Variants in SYNRG observed in about 807,000 individuals in gnomAD.
The protein encoded by SYNRG is synergin gamma.
In SYNRG, 37 loss-of-function variants were observed where a neutral mutation model predicts 130.9. That is an observed-to-expected ratio of 0.28 (90% confidence interval 0.22 to 0.37). SYNRG has a LOEUF of 0.37. Among genes scored for constraint, SYNRG ranks in the 10% least tolerant of loss-of-function variants. The pLI is 1.00. For synonymous variants in SYNRG, 539 were observed against 568.1 expected, an observed-to-expected ratio of 0.95 and a Z score of 0.73; for missense variants, 1,338 against 1,588.9, an observed-to-expected ratio of 0.84 and a Z score of 2.68.
rs750756484 is a variant in SYNRG, at chr17:37,553,562, G to T, written c.2161C>A (p.Pro721Thr). The change falls in exon 14 of 22, where the codon CCT becomes ACT. Residue 721 changes from proline (P) to threonine (T), a missense_variant. By Grantham distance (38) the Pro-to-Thr change is conservative. Around this residue, in one of 3 missense-constraint regions of SYNRG, gnomAD observed 1,146 missense variants for 1,342.3 expected, o/e 0.85. Coordinates refer to ENST00000612223, the MANE Select transcript of SYNRG (RefSeq NM_007247.6). The stretch of plus-strand genomic sequence containing the variant: ...CCCACGTTGCTGGTTAGAGGAACAG[G>T]ACTGGCTTCCTCTTTAAGGGCATCA... ...KYDALKEEAS[P>T]VPLTSNVGST... The T allele has an allele frequency of 9.3e-6, 15 of 1,614,190 alleles. No homozygotes were observed. Among genetic ancestry groups the T allele is most frequent in the Non-Finnish European group, 1.3e-5 (15 of 1,180,036 alleles).
Position 37,570,729 on chromosome 17 carries a change from G to C in SYNRG, c.1255C>G (p.Gln419Glu), listed in dbSNP as rs763455536. ...ACAAGGTTAATGCCCATGACTGGCT[G>C]TCCAAGGCTGAGGGGCATGGAGCCC... ...PAGSMPLSLGQPVMGINLVGP... is the reference protein window; with the variant it reads ...PAGSMPLSLGEPVMGINLVGP... Residue 419 changes from glutamine (Q) to glutamate (E), a missense_variant, in exon 10 of 22, where the codon CAG (glutamine) becomes GAG (glutamate). Transcript: ENST00000612223. 1 of 1,614,216 alleles carries C rather than the reference G, an allele frequency of 6.2e-7. No homozygotes were observed. Among genetic ancestry groups the C allele is most frequent in the South Asian group, 1.1e-5 (1 of 91,092 alleles).
intron 19 of SYNRG, 150 bp from the exon 20 acceptor site, chr17:37,520,798 G>A (rs2054921621): frequency 1.3e-5 from 9 of 668,038 alleles, no homozygotes; most frequent in Admixed American, 7.0e-5. Context: ...CACATCCACT[G>A]GGAACCTGCC....
At chr17:37,553,008 A>G (rs984536194) in intron 14 of SYNRG, 107 bp downstream of exon 14, 1 of 1,001,848 alleles carries the variant, frequency 1.0e-6, no homozygotes, top group South Asian at 1.6e-5. Flanking sequence ...ATTATTAGAG[A>G]TTCATAAAGC....
intron 19 of SYNRG, among the ~76,000 whole-genome samples, chr17:37,525,380 T>A (rs2055711829): frequency 6.6e-6 from 1 of 152,208 alleles, no homozygotes; most frequent in African/African-American, 2.4e-5. Flanking sequence ...TACAATGGTG[T>A]CCAGGAAGAT....
chr17:37,581,498 G>A (rs2061334784), intron 6 of SYNRG, among the ~76,000 whole-genome samples: 1 of 152,040 alleles, frequency 6.6e-6, no homozygotes, highest in African/African-American at 2.4e-5. Context: ...GGCTGGTCTC[G>A]AACTCCTGAC....
intron 11 of SYNRG, among the ~76,000 whole-genome samples, chr17:37,566,336 C>G (rs1477456301): frequency 1.4e-5 from 2 of 146,666 alleles, no homozygotes; most frequent in Non-Finnish European, 3.0e-5. Context: ...TGACCTTACC[C>G]CCAACCCTGT....
chr17:37,540,183 T>C (rs1167918429), intron 16 of SYNRG, among the ~76,000 whole-genome samples, 197 bp downstream of exon 16: 1 of 152,238 alleles, frequency 6.6e-6, no homozygotes, highest in African/African-American at 2.4e-5. Flanking sequence ...TTAGTTTCAG[T>C]GGGTGCCACA....
intron 1 of SYNRG, 118 bp from the exon 2 acceptor site, chr17:37,600,521 C>T: frequency 1.0e-6 from 1 of 973,462 alleles, no homozygotes; most frequent in Admixed American, 2.0e-5. Context: ...TGTTCTGCAC[C>T]ACAATACTGA....
chr17:37,535,946 G>T, intron 19 of SYNRG, 33 bp downstream of exon 19: 5 of 1,611,570 alleles, frequency 3.1e-6, no homozygotes, highest in Non-Finnish European at 4.2e-6. Flanking sequence ...TTCTGGAAAG[G>T]AAAGCAACTG....
chr17:37,549,535 A>C (rs2145213312), intron 14 of SYNRG, among the ~76,000 whole-genome samples: 1 of 152,254 alleles, frequency 6.6e-6, no homozygotes, highest in South Asian at 2.1e-4. Flanking sequence ...GGGTTGCTTC[A>C]TCATACAGAA....
chr17:37,594,277 A>G (rs371468254), intron 3 of SYNRG, among the ~76,000 whole-genome samples: 1 of 145,306 alleles, frequency 6.9e-6, no homozygotes, highest in Non-Finnish European at 1.5e-5. Context: ...CAATAATATT[A>G]ATTTTAATTA....
intron 14 of SYNRG, among the ~76,000 whole-genome samples, chr17:37,543,361 G>A (rs1044899123): frequency 6.6e-6 from 1 of 152,128 alleles, no homozygotes; most frequent in African/African-American, 2.4e-5. Flanking sequence ...AACTGCTGGG[G>A]CAGACGACTG....
chr17:37,580,452 G>A (rs187358608), intron 6 of SYNRG, among the ~76,000 whole-genome samples: 7 of 148,816 alleles, frequency 4.7e-5, no homozygotes, highest in East Asian at 2.0e-4. Flanking sequence ...GGTATGCACC[G>A]CCATGCCCAG....
chr17:37,601,090 G>A (rs1470129490), intron 1 of SYNRG: 1 of 152,440 alleles, frequency 6.6e-6, no homozygotes. Flanking sequence ...TTTGTGAGAT[G>A]GAGTTTCGCT....
intron 8 of SYNRG, 41 bp from the exon 9 acceptor site, chr17:37,572,028 C>G (rs750938924): frequency 1.3e-6 from 2 of 1,531,800 alleles, no homozygotes; most frequent in South Asian, 1.2e-5. Context: ...AAACACATTC[C>G]AAGTGATTTA....
At chr17:37,540,726 C>T (rs2057679253) in intron 15 of SYNRG, 183 bp from the exon 16 acceptor site, 2 of 772,074 alleles carry the variant, frequency 2.6e-6, no homozygotes, top group Non-Finnish European at 1.9e-6. Context: ...CCTCCGCCTC[C>T]TGGGTTCAAG....
At chr17:37,557,087 G>A (rs2059175143) in intron 13 of SYNRG, 1 of 152,112 alleles carries the variant, frequency 6.6e-6, no homozygotes, top group Non-Finnish European at 1.5e-5. Flanking sequence ...TCTATCAGAA[G>A]GCATATTAAG....
intron 19 of SYNRG, among the ~76,000 whole-genome samples, chr17:37,526,214 C>T (rs142717075): frequency 3.9e-5 from 6 of 152,300 alleles, no homozygotes; most frequent in East Asian, 1.9e-4. Flanking sequence ...GACACTCCCA[C>T]GGTGACCAGC....
At chr17:37,584,577 C>T (rs535762949) in intron 6 of SYNRG, 71 bp downstream of exon 6, 26 of 1,192,610 alleles carry the variant, frequency 2.2e-5, no homozygotes, top group African/African-American at 1.5e-4. Flanking sequence ...CATATAATGG[C>T]GAGGTAAAGA....
Sources: allele counts gnomAD v4.1 joint callset (sites outside exome capture counted in the v4.1 genomes callset), GRCh38; gene constraint gnomAD v4.1.1; regional missense constraint gnomAD v4.1.1; transcripts MANE v1.5; gene names NCBI Gene and HGNC (gene_info 2026-07-23, HGNC 2026-07-21).